The following AUTS2 variants were observed in gnomAD, a reference collection of about 807,000 sequenced individuals.
The protein encoded by AUTS2 is activator of transcription and developmental regulator AUTS2.
In AUTS2, 17 loss-of-function variants were observed where a neutral mutation model predicts 112.4. That is an observed-to-expected ratio of 0.15 (90% confidence interval 0.10 to 0.23). The LOEUF (loss-of-function observed/expected upper bound fraction) is 0.23. Ranked by LOEUF, AUTS2 falls within the 10% of genes least tolerant of loss-of-function variation. AUTS2 has a pLI of 1.00. For synonymous variants in AUTS2, 751 were observed against 702.7 expected, an observed-to-expected ratio of 1.07 and a Z score of -1.09; for missense variants, 1,510 against 1,701.6, an observed-to-expected ratio of 0.89 and a Z score of 1.98.
At chr7:69,876,349 A>AACAT (rs1554396465) in intron 1 of AUTS2, among the ~76,000 whole-genome samples, 1 of 29,494 alleles carries the variant, frequency 3.4e-5, no homozygotes, top group African/African-American at 1.5e-4. Flanking sequence ...AAAAAAAAAA[A>AACAT]ATATATATAT....
At chr7:69,850,320 C>G (rs1394174730) in intron 1 of AUTS2, among the ~76,000 whole-genome samples, 1 of 134,714 alleles carries the variant, frequency 7.4e-6, no homozygotes, top group African/African-American at 2.8e-5. Flanking sequence ...AAAACAAAAA[C>G]AAAAAAACCC....
In AUTS2 at chr7:69,599,827, C is replaced by G; in HGVS notation, c.174C>G (p.Asp58Glu). Reference sequence around the variant, plus strand: ...CGTCGTCGGGCTCCGACAAGGAAGACAATGGGAAGCCCCCGTCCTCCGCCC... The same window carrying G: ...CGTCGTCGGGCTCCGACAAGGAAGAGAATGGGAAGCCCCCGTCCTCCGCCC... ...LASSSGSDKEDNGKPPSSAPS... is the reference protein window; with the variant it reads ...LASSSGSDKEENGKPPSSAPS... Residue 58 changes from aspartate (D) to glutamate (E), a missense_variant, in exon 1 of 19, where the codon GAC becomes GAG. Asp to Glu is a conservative substitution (Grantham distance 45). This residue lies in a region of AUTS2 where 535 missense variants were observed against 594.3 expected (regional missense o/e 0.90). Coordinates refer to ENST00000342771, the MANE Select transcript of AUTS2 (RefSeq NM_015570.4). The surrounding 1 kb of genome is among the most constrained non-coding windows in gnomAD (Gnocchi z 7.0). 6.2e-7 allele frequency: 1 copy of G among 1,610,390 alleles called. No individual in the cohort carries two copies. The highest frequency in any genetic ancestry group is 8.5e-7 in the Non-Finnish European group (1 of 1,178,730).
chr7:70,444,755 G>T (rs953056860), intron 5 of AUTS2, among the ~76,000 whole-genome samples: 9 of 152,104 alleles, frequency 5.9e-5, no homozygotes, highest in African/African-American at 2.2e-4. Flanking sequence ...TTTCTCCCTT[G>T]TTGTTCTAAA....
intron 2 of AUTS2, among the ~76,000 whole-genome samples, chr7:69,906,320 G>T (rs1795147196): frequency 6.6e-6 from 1 of 152,214 alleles, no homozygotes; most frequent in African/African-American, 2.4e-5. Context: ...TGTACATTCT[G>T]CATTCTAATC....
At chr7:69,927,489 GGT>G (rs1422867707) in intron 2 of AUTS2, among the ~76,000 whole-genome samples, 1 of 151,968 alleles carries the variant, frequency 6.6e-6, no homozygotes, top group Non-Finnish European at 1.5e-5. Flanking sequence ...GGATCCTTAG[GGT>G]GTCACTTCGT....
At chr7:70,382,027 A>G (rs1305920608) in intron 4 of AUTS2, among the ~76,000 whole-genome samples, 2 of 152,142 alleles carry the variant, frequency 1.3e-5, no homozygotes, top group Non-Finnish European at 2.9e-5. Context: ...GTGTACCTGG[A>G]AGCCAGATAC....
In AUTS2 at chr7:70,393,754, C is replaced by G. The variant is rs12537762; in HGVS notation, c.661-41998C>G. Reference sequence around the variant, plus strand: ...TTCTGTAACACGAAGCCCACCACCCCCCTTTCAACCTTTAATACCTGTCTT... The same window carrying G: ...TTCTGTAACACGAAGCCCACCACCCGCCTTTCAACCTTTAATACCTGTCTT... On this transcript the variant is annotated intron_variant, in intron 4 of 18. Coordinates refer to ENST00000342771, the MANE Select transcript of AUTS2 (RefSeq NM_015570.4). Among the ~76,000 whole-genome samples, 1,322 of 152,300 alleles carry G rather than the reference C, an allele frequency of 8.7e-3. 66 individuals are homozygous for G. The highest frequency in any genetic ancestry group is 0.08 in the Admixed American group (1,230 of 15,284).
At chr7:70,116,666 G>A (rs571231266) in intron 2 of AUTS2, among the ~76,000 whole-genome samples, 1 of 152,294 alleles carries the variant, frequency 6.6e-6, no homozygotes, top group East Asian at 1.9e-4. Flanking sequence ...TTCCCAGCAT[G>A]TTGCTTTTTC....
intron 4 of AUTS2, among the ~76,000 whole-genome samples, chr7:70,397,994 A>AGTTT (rs1017148666): frequency 1.3e-5 from 2 of 152,270 alleles, no homozygotes; most frequent in East Asian, 1.9e-4. Flanking sequence ...TATAGATTCA[A>AGTTT]GTTTGTTTGT....
chr7:69,958,950 G>T (rs1272542273), intron 2 of AUTS2, among the ~76,000 whole-genome samples: 1 of 152,148 alleles, frequency 6.6e-6, no homozygotes, highest in Non-Finnish European at 1.5e-5. Context: ...TCTGTGATAT[G>T]TACACCAGAG....
intron 3 of AUTS2, among the ~76,000 whole-genome samples, chr7:70,125,975 G>A (rs1805949517): frequency 1.3e-5 from 2 of 152,128 alleles, no homozygotes; most frequent in Non-Finnish European, 2.9e-5. Flanking sequence ...ATTTTTAGGA[G>A]CTTTGGCAGT....
chr7:69,857,963 C>A (rs1352239630), intron 1 of AUTS2, among the ~76,000 whole-genome samples: 5 of 152,202 alleles, frequency 3.3e-5, no homozygotes, highest in African/African-American at 1.2e-4. Flanking sequence ...CAGGTCTAGT[C>A]ATTGCCTTAT....
chr7:69,641,645 A>G (rs1180417861), intron 1 of AUTS2, among the ~76,000 whole-genome samples: 2 of 152,216 alleles, frequency 1.3e-5, no homozygotes, highest in Non-Finnish European at 2.9e-5. Context: ...AGGTGGTGGT[A>G]TTATTAGCAT....
intron 2 of AUTS2, among the ~76,000 whole-genome samples, chr7:69,944,627 A>G (rs1213571994): frequency 2.0e-5 from 3 of 152,200 alleles, no homozygotes; most frequent in East Asian, 1.9e-4. Context: ...AACTTTGTTC[A>G]TGCTTCATCT....
At chr7:70,219,690 G>A (rs946457363) in intron 4 of AUTS2, among the ~76,000 whole-genome samples, 1 of 151,616 alleles carries the variant, frequency 6.6e-6, no homozygotes, top group Non-Finnish European at 1.5e-5. Flanking sequence ...TCCTACCGCA[G>A]CCTCTCAAAT....
intron 5 of AUTS2, among the ~76,000 whole-genome samples, chr7:70,685,491 A>G (rs546110942): frequency 1.8e-3 from 266 of 148,448 alleles, no homozygotes; most frequent in South Asian, 5.9e-3. Context: ...AAAAAAAAAA[A>G]AAGAAGAAGA....
chr7:70,082,828 G>A (rs1409892447), intron 2 of AUTS2, among the ~76,000 whole-genome samples: 1 of 152,124 alleles, frequency 6.6e-6, no homozygotes, highest in Non-Finnish European at 1.5e-5. Flanking sequence ...CTCTACTAAA[G>A]CATTTTGTAT....
intron 2 of AUTS2, among the ~76,000 whole-genome samples, chr7:70,058,847 A>G (rs1241232308): frequency 6.6e-6 from 1 of 152,150 alleles, no homozygotes; most frequent in Non-Finnish European, 1.5e-5. Context: ...TTACACACAC[A>G]CATACACTTC....
intron 6 of AUTS2, among the ~76,000 whole-genome samples, chr7:70,760,945 C>T (rs1220489815): frequency 6.6e-6 from 1 of 152,036 alleles, no homozygotes; most frequent in Non-Finnish European, 1.5e-5. Context: ...GTTATTGTTC[C>T]AGGCTGTTTG....
Sources: allele counts gnomAD v4.1 joint callset (sites outside exome capture counted in the v4.1 genomes callset), GRCh38; gene constraint gnomAD v4.1.1; regional missense constraint gnomAD v4.1.1; non-coding constraint Gnocchi (gnomAD v3.1); transcripts MANE v1.5; gene names NCBI Gene and HGNC (gene_info 2026-07-23, HGNC 2026-07-21).